CAVIN4: variants seen among roughly 807,000 people sequenced by gnomAD.
CAVIN4 encodes the protein caveolae associated protein 4, also known as caveolae-associated protein 4.
Under a neutral mutation model 18.6 loss-of-function variants are expected in CAVIN4, and 10 were observed. The observed-to-expected ratio is 0.54, with a 90% CI of 0.33 to 0.91. The LOEUF is 0.91. CAVIN4 is among the 40% of genes least tolerant of loss of function. CAVIN4 has a pLI of 0.02. For synonymous variants in CAVIN4, 173 were observed against 164.8 expected (o/e 1.05, Z -0.38); for missense variants, 459 against 440.5 (o/e 1.04, Z -0.38).
chr9:100,576,911 C>T (rs1010039915), upstream of CAVIN4: 3 of 197,508 alleles, frequency 1.5e-5, no homozygotes, highest in African/African-American at 7.0e-5. Flanking sequence ...GTCATATCCA[C>T]TTCTTCCACA....
chr9:100,578,566 G>A lies in CAVIN4; in HGVS notation c.408+15G>A, dbSNP rs1227557567. 3 of 1,612,338 alleles carry A rather than the reference G, an allele frequency of 1.9e-6. No homozygotes were observed. Among genetic ancestry groups the A allele is most frequent in the Non-Finnish European group, 2.5e-6 (3 of 1,179,616 alleles). On this transcript the variant is annotated intron_variant, in intron 1 of 1. Coordinates refer to ENST00000307584, the MANE Select transcript of CAVIN4 (RefSeq NM_001018116.2). ...TAATATTCCAGGTAAGCTTGCACTT[G>A]TGTTCAGCTTGCTTGTTCTAATCTC...
rs371617157 is a variant in CAVIN4 at position 100,586,480 on chromosome 9, A to G, written c.*29A>G. ...GGAATTAAGTATATCCTAAATATGA[A>G]TCTCCTAATCATGCAGTTTTAGTTT... On this transcript the variant is annotated 3_prime_UTR_variant, in exon 2 of 2. Transcript: ENST00000307584. The G allele has an allele frequency of 9.7e-4, 1,521 of 1,573,380 alleles. 1 individual carries two copies. Among genetic ancestry groups the G allele is most frequent in the Non-Finnish European group, 1.1e-3 (1,257 of 1,149,214 alleles).
At chr9:100,581,215 C>CT (rs1839423138) in intron 1 of CAVIN4, 1 of 152,200 alleles carries the variant, frequency 6.6e-6, no homozygotes. Flanking sequence ...TGGTCCTCCT[C>CT]TATCGTGGAT....
At chr9:100,583,486 A>C (rs770343762) in intron 1 of CAVIN4, among the ~76,000 whole-genome samples, 2 of 152,040 alleles carry the variant, frequency 1.3e-5, no homozygotes, top group Non-Finnish European at 2.9e-5. Context: ...ACCCTTACCC[A>C]GTGCTCCCTT....
intron 1 of CAVIN4, among the ~76,000 whole-genome samples, chr9:100,585,485 GTCT>G (rs1425738072): frequency 1.3e-5 from 2 of 152,190 alleles, no homozygotes; most frequent in Admixed American, 6.5e-5. Context: ...TCACACATGT[GTCT>G]TCATCTTAGG....
Position 100,586,428 on chromosome 9 carries a change from T to G in CAVIN4, c.1072T>G (p.Leu358Val). Residue 358 changes from leucine to valine, a missense_variant, in exon 2 of 2, where the codon TTA becomes GTA. By Grantham distance (32) the Leu-to-Val change is conservative. Transcript: ENST00000307584. ...AGTAGAGGATGATGAATCTCTTTTG[T>G]TAGATTTAAAGCACTCATCGTAAAG... ...VKVEDDESLL[L>V]DLKHSS The G allele has an allele frequency of 6.2e-7, 1 of 1,613,706 alleles. No homozygotes were observed. The highest frequency in any genetic ancestry group is 8.5e-7 in the Non-Finnish European group (1 of 1,179,954).
chr9:100,582,527 G>T (rs1226403216), intron 1 of CAVIN4, among the ~76,000 whole-genome samples: 3 of 152,038 alleles, frequency 2.0e-5, no homozygotes, highest in African/African-American at 7.2e-5. Context: ...TAAAATTTTC[G>T]TGGAGGTCTC....
At chr9:100,580,366 T>C (rs1042514574) in intron 1 of CAVIN4, among the ~76,000 whole-genome samples, 2 of 152,180 alleles carry the variant, frequency 1.3e-5, no homozygotes, top group African/African-American at 4.8e-5. Context: ...TTAGTATATG[T>C]AGTGGGAAAT....
chr9:100,587,141 A>T lies in CAVIN4; in HGVS notation c.*690A>T, dbSNP rs952034884. On this transcript the variant is annotated 3_prime_UTR_variant, in exon 2 of 2. Coordinates refer to ENST00000307584, the MANE Select transcript of CAVIN4 (RefSeq NM_001018116.2). ...ACCTTCTGAAAAAGCCCTCAGCACC[A>T]ATCAATAAGGTCCTAGGTTGGAGAG... The T allele has an allele frequency of 2.6e-5, 4 of 152,330 alleles. No homozygotes were observed. The highest frequency in any genetic ancestry group is 1.3e-4 in the Admixed American group (2 of 15,304). The allele number at this position is 152,330 out of a possible 1,614,324, so 9.4% of individuals were successfully genotyped here.
Position 100,586,674 on chromosome 9 carries a change from G to A in CAVIN4, c.*223G>A. 2.6e-6 allele frequency: 1 copy of A among 379,178 alleles called. No individual in the cohort carries two copies. The highest frequency in any genetic ancestry group is 2.1e-5 in the African/African-American group (1 of 48,048). 23.5% of individuals were successfully genotyped at this position (379,178 alleles called of 1,614,324 possible). Reference sequence around the variant, plus strand: ...TGTCCACCAGAAAAATAGTTTCCTAGGTTGGGCCAGTTACGTGTTTGGTAA... The same window carrying A: ...TGTCCACCAGAAAAATAGTTTCCTAAGTTGGGCCAGTTACGTGTTTGGTAA... On this transcript the variant is annotated 3_prime_UTR_variant, in exon 2 of 2. Transcript: ENST00000307584.
chr9:100,582,677 T>A (rs1162028001), intron 1 of CAVIN4, among the ~76,000 whole-genome samples: 1 of 152,198 alleles, frequency 6.6e-6, no homozygotes, highest in Non-Finnish European at 1.5e-5. Flanking sequence ...CTTCTGGGGT[T>A]ACTCCTCTCT....
rs1057524661 is a variant in CAVIN4 at position 100,578,171 on chromosome 9, G to A, written c.28G>A (p.Ala10Thr). Residue 10 changes from alanine (A) to threonine (T), a missense_variant, in exon 1 of 2, where the codon GCT (alanine) becomes ACT (threonine). Transcript: ENST00000307584. MEHNGSASN[A>T]DKIHQNRLSS... ...GGAACATAATGGGTCTGCTTCAAAT[G>A]CTGATAAAATCCACCAGAATCGCCT... The A allele has an allele frequency of 2.5e-6, 4 of 1,613,892 alleles. No individual in the cohort carries two copies. In the African/African-American group the frequency reaches 5.3e-5, roughly 22 times the overall value.
upstream of CAVIN4, chr9:100,578,078 T>C: frequency 6.4e-7 from 1 of 1,564,212 alleles, no homozygotes; most frequent in Non-Finnish European, 8.8e-7. Flanking sequence ...GTTATCAAGC[T>C]GACTTTTTGC....
intron 1 of CAVIN4, among the ~76,000 whole-genome samples, chr9:100,579,751 T>C (rs1341451762): frequency 6.6e-6 from 1 of 152,088 alleles, no homozygotes; most frequent in Non-Finnish European, 1.5e-5. Context: ...GGAAAAAAAC[T>C]AGAAGAATAT....
rs1355377132 is a variant in CAVIN4 at position 100,586,021 on chromosome 9, G to C, written c.665G>C (p.Arg222Thr). Residue 222 changes from arginine (R) to threonine (T), a missense_variant, in exon 2 of 2, where the codon AGA becomes ACA. Transcript: ENST00000307584. The stretch of plus-strand genomic sequence containing the variant: ...CTTGACAAGAAAGTGAACAGAATTA[G>C]AACTAGAATAGTGACCCCGGAGAGG... ...QNLDKKVNRI[R>T]TRIVTPERRE... The C allele has an allele frequency of 2.5e-6, 4 of 1,614,076 alleles. No individual in the cohort carries two copies. The African/African-American group carries it at 5.3e-5, about 22-fold the overall frequency.
At chr9:100,581,517 A>T (rs578094912) in intron 1 of CAVIN4, 1 of 152,356 alleles carries the variant, frequency 6.6e-6, no homozygotes, top group African/African-American at 2.4e-5. Flanking sequence ...ACTATAATTC[A>T]ACATCTACAA....
At chr9:100,581,694 G>A (rs181970910) in intron 1 of CAVIN4, among the ~76,000 whole-genome samples, 2 of 152,184 alleles carry the variant, frequency 1.3e-5, no homozygotes, top group South Asian at 2.1e-4. Context: ...TTAAAGGAGG[G>A]TATGTGATTC....
At chr9:100,580,324 A>G (rs921435362) in intron 1 of CAVIN4, among the ~76,000 whole-genome samples, 3 of 152,098 alleles carry the variant, frequency 2.0e-5, no homozygotes, top group African/African-American at 7.2e-5. Flanking sequence ...AAAAAAAATC[A>G]GTCACCTGAT....
rs748500255 is a variant in CAVIN4, at chr9:100,586,212, G to A, written c.856G>A (p.Glu286Lys). The change falls in exon 2 of 2, where the codon GAG (glutamate) becomes AAG (lysine). Residue 286 changes from glutamate (E) to lysine (K), a missense_variant. Physicochemically the swap from Glu to Lys is moderately conservative, Grantham distance 56. Transcript: ENST00000307584. ...TAAGGACCGAACAGTGGCTGAAGGT[G>A]AGGAATGTGCCAGGGAGATGGGTGT... ...KGKDRTVAEG[E>K]ECAREMGVDI... 3.2e-5 allele frequency: 50 copies of A among 1,558,390 alleles called. No individual in the cohort carries two copies. Among genetic ancestry groups the A allele is most frequent in the Non-Finnish European group, 3.7e-5 (43 of 1,154,798 alleles).
Sources: allele counts gnomAD v4.1 joint callset (sites outside exome capture counted in the v4.1 genomes callset), GRCh38; gene constraint gnomAD v4.1.1; transcripts MANE v1.5; gene names NCBI Gene and HGNC (gene_info 2026-07-23, HGNC 2026-07-21).